Variants in MALRD1 observed in about 807,000 individuals in gnomAD.
The protein encoded by MALRD1 is MAM and LDL-receptor class A domain-containing protein 1.
MALRD1 carries 247 observed loss-of-function variants against 242.1 expected under a neutral mutation model. That is an observed-to-expected ratio of 1.02 (90% confidence interval 0.92 to 1.13). The LOEUF is 1.13. Ranked by LOEUF, MALRD1 falls within the 50% of genes most tolerant of loss-of-function variation. The pLI is 0.00. For missense variants in MALRD1, 2,989 were observed against 2,533.1 expected (o/e 1.18, Z -3.86); for synonymous variants, 995 against 866.6 (o/e 1.15, Z -2.60).
chr10:19,204,199 A>G, intron 15 of MALRD1, 109 bp from the exon 16 acceptor site: 1 of 745,830 alleles, frequency 1.3e-6, no homozygotes, highest in South Asian at 1.9e-5. Context: ...GTATAATTTT[A>G]ATTTCAGTTA....
chr10:19,223,740 T>C (rs901390344), intron 18 of MALRD1, among the ~76,000 whole-genome samples: 2 of 152,122 alleles, frequency 1.3e-5, no homozygotes, highest in South Asian at 2.1e-4. Context: ...GATGTTCCCC[T>C]CCCTGTGTCT....
At chr10:19,644,814 T>C (rs1163327809) in intron 36 of MALRD1, among the ~76,000 whole-genome samples, 1 of 152,136 alleles carries the variant, frequency 6.6e-6, no homozygotes, top group East Asian at 1.9e-4. Context: ...AGCAGCAAAA[T>C]TGGAATGTAA....
In MALRD1 at chr10:19,124,545, A is replaced by G. The variant is rs1433603502; in HGVS notation, c.818A>G (p.Glu273Gly). The change falls in exon 7 of 40, where the codon GAA (glutamate) becomes GGA (glycine). Residue 273 changes from glutamate to glycine, a missense_variant. Glu to Gly is a moderately conservative substitution (Grantham distance 98). Transcript: ENST00000454679. ...ELRLCQACGF[E>G]FDMCEWTSEA... ...TTAGTGTGTCAGGCCTGTGGGTTTG[A>G]ATTTGACATGTGTGAGTGGACGTCA... 8.1e-7 allele frequency: 1 copy of G among 1,233,658 alleles called. No homozygotes were observed. The highest frequency in any genetic ancestry group is 4.2e-5 in the Admixed American group (1 of 23,688). 76.4% of individuals were successfully genotyped at this position (1,233,658 alleles called of 1,614,324 possible).
At chr10:19,373,503 A>C (rs1159081066) in intron 26 of MALRD1, among the ~76,000 whole-genome samples, 1 of 151,988 alleles carries the variant, frequency 6.6e-6, no homozygotes, top group Non-Finnish European at 1.5e-5. Context: ...TGGGTGACAA[A>C]AGCAAAACTC....
intron 21 of MALRD1, among the ~76,000 whole-genome samples, chr10:19,286,645 C>G (rs1380849576): frequency 6.6e-6 from 1 of 151,584 alleles, no homozygotes; most frequent in African/African-American, 2.4e-5. Flanking sequence ...CTGAATAGAC[C>G]AATAACAGGA....
At chr10:19,338,869 A>G (rs541144169) in intron 24 of MALRD1, among the ~76,000 whole-genome samples, 3 of 150,604 alleles carry the variant, frequency 2.0e-5, no homozygotes, top group Non-Finnish European at 4.4e-5. Flanking sequence ...ATGTATATAT[A>G]TATACACACA....
chr10:19,178,377 G>A (rs1412213152), intron 14 of MALRD1, among the ~76,000 whole-genome samples: 1 of 152,170 alleles, frequency 6.6e-6, no homozygotes, highest in East Asian at 1.9e-4. Context: ...TTTATGGAGA[G>A]AAACTGAAAG....
intron 26 of MALRD1, among the ~76,000 whole-genome samples, chr10:19,382,898 T>C (rs1042313223): frequency 1.3e-5 from 2 of 152,202 alleles, no homozygotes; most frequent in African/African-American, 4.8e-5. Context: ...ACTCTTTCTT[T>C]AGTAGATTCT....
At chr10:19,179,897 T>C (rs539245597) in intron 14 of MALRD1, among the ~76,000 whole-genome samples, 17 of 152,280 alleles carry the variant, frequency 1.1e-4, no homozygotes, top group Non-Finnish European at 2.2e-4. Context: ...GTTCGTCCTT[T>C]TCCAGGGCAA....
chr10:19,392,870 G>A (rs767147177), intron 28 of MALRD1, among the ~76,000 whole-genome samples: 2 of 152,116 alleles, frequency 1.3e-5, no homozygotes, highest in Admixed American at 6.6e-5. Flanking sequence ...GGTTTACTAG[G>A]TAGGATGATT....
intron 2 of MALRD1, among the ~76,000 whole-genome samples, chr10:19,084,628 T>G (rs1835607083): frequency 6.6e-6 from 1 of 151,916 alleles, no homozygotes; most frequent in Non-Finnish European, 1.5e-5. Flanking sequence ...GACCGAAAAT[T>G]CTACCTTATC....
At chr10:19,449,960 A>G (rs1258461980) in intron 28 of MALRD1, among the ~76,000 whole-genome samples, 3 of 152,168 alleles carry the variant, frequency 2.0e-5, no homozygotes, top group Non-Finnish European at 4.4e-5. Flanking sequence ...GATGGGTAAA[A>G]CTAGTTTTAG....
intron 4 of MALRD1, among the ~76,000 whole-genome samples, chr10:19,095,858 T>C (rs945126097): frequency 4.6e-5 from 7 of 152,158 alleles, no homozygotes; most frequent in African/African-American, 7.2e-5. Context: ...CAGGCCAAGA[T>C]TGTGTTTATG....
chr10:19,380,086 T>G (rs1181262880), intron 26 of MALRD1, among the ~76,000 whole-genome samples: 1 of 151,306 alleles, frequency 6.6e-6, no homozygotes, highest in Non-Finnish European at 1.5e-5. Context: ...GGAATTCTCC[T>G]GCCTTAGCCT....
intron 2 of MALRD1, among the ~76,000 whole-genome samples, chr10:19,071,823 C>G (rs1160452647): frequency 6.6e-6 from 1 of 152,136 alleles, no homozygotes; most frequent in Non-Finnish European, 1.5e-5. Context: ...GATTACGTTT[C>G]TGCAGCCTCT....
chr10:19,452,464 T>C (rs952892126), intron 29 of MALRD1, among the ~76,000 whole-genome samples: 2 of 152,202 alleles, frequency 1.3e-5, no homozygotes, highest in Admixed American at 6.5e-5. Context: ...TAAAGAGGCA[T>C]CATGTTGTCA....
intron 26 of MALRD1, among the ~76,000 whole-genome samples, chr10:19,371,946 T>C (rs1388907270): frequency 1.3e-5 from 2 of 152,146 alleles, no homozygotes; most frequent in East Asian, 1.9e-4. Context: ...GATATGAGTA[T>C]ACAGAAGGTC....
At chr10:19,542,628 T>A (rs1281247433) in intron 32 of MALRD1, among the ~76,000 whole-genome samples, 1 of 152,092 alleles carries the variant, frequency 6.6e-6, no homozygotes, top group Non-Finnish European at 1.5e-5. Flanking sequence ...CTATCACATG[T>A]TAAATTTATA....
chr10:19,298,333 A>G (rs2131947137), intron 21 of MALRD1, among the ~76,000 whole-genome samples: 1 of 151,728 alleles, frequency 6.6e-6, no homozygotes, highest in Non-Finnish European at 1.5e-5. Flanking sequence ...CCCATGACCC[A>G]AATATCTCCT....
Sources: gnomAD v4.1 joint callset for allele counts (sites outside exome capture counted in the v4.1 genomes callset) on GRCh38, gnomAD v4.1.1 for gene constraint, MANE v1.5 for transcripts, NCBI Gene and HGNC (gene_info 2026-07-23, HGNC 2026-07-21) for gene names.